Variants in SND1 observed in about 807,000 individuals in gnomAD.
SND1 encodes staphylococcal nuclease and tudor domain containing 1.
In SND1, 38 loss-of-function variants were observed where a neutral mutation model predicts 121.7. The ratio of observed to expected loss-of-function variants is 0.31; its 90% confidence interval spans 0.24 to 0.41. The LOEUF (loss-of-function observed/expected upper bound fraction) is 0.41. SND1 is among the 10% of genes least tolerant of loss of function. The probability of loss-of-function intolerance (pLI) is 1.00; values close to 1 mark genes in which losing one functional copy is unlikely to be tolerated. For missense variants in SND1, 868 were observed against 1,184.6 expected, an observed-to-expected ratio of 0.73 and a Z score of 3.92; for synonymous variants, 401 against 447.4, an observed-to-expected ratio of 0.90 and a Z score of 1.31.
At chr7:127,699,073 G>C in intron 4 of SND1, 120 bp downstream of exon 4, 1 of 736,198 alleles carries the variant, frequency 1.4e-6, no homozygotes, top group East Asian at 2.7e-5. Context: ...GGACATTCTT[G>C]CCCAGGTATG....
intron 14 of SND1, among the ~76,000 whole-genome samples, chr7:127,921,025 A>C (rs1372385596): frequency 2.6e-5 from 4 of 152,226 alleles, no homozygotes; most frequent in African/African-American, 9.6e-5. Flanking sequence ...GGAAACTGAA[A>C]GTCATTCAGT....
At chr7:127,681,130 T>A (rs1795718584) in intron 1 of SND1, among the ~76,000 whole-genome samples, 1 of 152,074 alleles carries the variant, frequency 6.6e-6, no homozygotes, top group Non-Finnish European at 1.5e-5. Flanking sequence ...GTATGAGGGG[T>A]CCAGTTTTTA....
intron 11 of SND1, among the ~76,000 whole-genome samples, chr7:127,814,643 G>A (rs922793935): frequency 6.6e-6 from 1 of 151,912 alleles, no homozygotes; most frequent in African/African-American, 2.4e-5. Flanking sequence ...GTTTTCTTGT[G>A]TATCTGCAAA....
intron 15 of SND1, among the ~76,000 whole-genome samples, chr7:127,944,681 G>A (rs1010165035): frequency 2.6e-5 from 4 of 152,196 alleles, no homozygotes; most frequent in Admixed American, 6.5e-5. Context: ...TCACCTGAGA[G>A]TGAATTGAGC....
At position 127,908,362 on chromosome 7, in the gene SND1, G is replaced by GCA. The variant is rs143599096; in HGVS notation, c.1527+3543_1527+3544insCA. ...TGTGTGTGTGTGTGTGTGTGTGTGC[G>GCA]TGCGTGTTGACCCATCTGCGTCTCT... On this transcript the variant is annotated intron_variant, in intron 14 of 23. Coordinates refer to ENST00000354725, the MANE Select transcript of SND1 (RefSeq NM_014390.4). Among the ~76,000 whole-genome samples the GCA allele has an allele frequency of 8.7e-3, 1,255 of 144,806 alleles. 30 individuals are homozygous for GCA. The highest frequency in any genetic ancestry group is 0.03 in the African/African-American group (1,171 of 39,580). The allele number at this position is 144,806 out of a possible 152,430, so 95.0% of individuals were successfully genotyped here. A position where few individuals can be genotyped will look rare whatever the true frequency, so the allele number is the denominator to read the frequency against.
chr7:127,818,748 C>T (rs1563024260), intron 11 of SND1, among the ~76,000 whole-genome samples: 1 of 152,184 alleles, frequency 6.6e-6, no homozygotes, highest in Non-Finnish European at 1.5e-5. Flanking sequence ...TTTCCTCCAC[C>T]AGGCTCGGTT....
rs767458820 is a variant in SND1 at position 128,081,349 on chromosome 7, T to C, written c.1969-11T>C. ...TCGCCCTCTTCTCACCTCTGCCGACTGAACATGCAGGTCTGGGCCCACTAT... is the reference window on the plus strand; with the variant it reads ...TCGCCCTCTTCTCACCTCTGCCGACCGAACATGCAGGTCTGGGCCCACTAT... On this transcript the variant is annotated splice_polypyrimidine_tract_variant and intron_variant, in intron 17 of 23. Transcript: ENST00000354725. 8 of 1,613,998 alleles carry C rather than the reference T, an allele frequency of 5.0e-6. No homozygotes were observed. In the Admixed American group the frequency reaches 1.2e-4, roughly 24 times the overall value.
intron 15 of SND1, among the ~76,000 whole-genome samples, chr7:127,942,023 C>G (rs188119167): frequency 1.2e-4 from 18 of 151,570 alleles, no homozygotes; most frequent in Admixed American, 5.3e-4. Context: ...CCATTTTTCC[C>G]TTTCACGTGG....
At chr7:127,953,910 C>A (rs1801529342) in intron 15 of SND1, among the ~76,000 whole-genome samples, 1 of 152,180 alleles carries the variant, frequency 6.6e-6, no homozygotes, top group Admixed American at 6.5e-5. Context: ...TTTCAGCATT[C>A]AGTGTAGCTA....
intron 10 of SND1, among the ~76,000 whole-genome samples, chr7:127,794,461 G>A (rs1237122743): frequency 1.3e-5 from 2 of 152,150 alleles, no homozygotes; most frequent in Non-Finnish European, 2.9e-5. Context: ...TCCCTTCTGT[G>A]TTCTTCCAGG....
At chr7:128,024,064 C>CTG (rs3837141) in intron 16 of SND1, among the ~76,000 whole-genome samples, 18,899 of 148,932 alleles carry the variant, frequency 0.13, 1,413 homozygotes, top group Admixed American at 0.25. Flanking sequence ...TGCTATATTG[C>CTG]TGTGTGTGTG....
intron 10 of SND1, among the ~76,000 whole-genome samples, chr7:127,767,189 G>A (rs941160120): frequency 1.3e-5 from 2 of 152,194 alleles, no homozygotes; most frequent in Non-Finnish European, 2.9e-5. Flanking sequence ...TAATGACTAG[G>A]TGTGGTGCCG....
chr7:127,928,652 G>A (rs1471089763), intron 14 of SND1, among the ~76,000 whole-genome samples: 1 of 151,688 alleles, frequency 6.6e-6, no homozygotes, highest in Non-Finnish European at 1.5e-5. Context: ...CAAATGGCAC[G>A]ATTTCAGCTC....
At chr7:127,858,705 C>T (rs1434877809) in intron 12 of SND1, among the ~76,000 whole-genome samples, 3 of 152,278 alleles carry the variant, frequency 2.0e-5, no homozygotes, top group Non-Finnish European at 2.9e-5. Context: ...TCTTCCTGGA[C>T]GTCTTTTTCC....
intron 12 of SND1, among the ~76,000 whole-genome samples, chr7:127,874,367 A>G (rs967422618): frequency 6.6e-6 from 1 of 152,170 alleles, no homozygotes; most frequent in Non-Finnish European, 1.5e-5. Flanking sequence ...TTGAAAGACC[A>G]TATTATGCAC....
chr7:127,718,518 T>C (rs1796429365), intron 9 of SND1: 2 of 974,844 alleles, frequency 2.1e-6, no homozygotes, highest in Non-Finnish European at 1.2e-6. Flanking sequence ...ACCCTTCCTA[T>C]CTTCACCAGC....
At position 127,882,899 on chromosome 7, in the gene SND1, T is replaced by C. The variant is rs193116078; in HGVS notation, c.1344-5003T>C. ...ACACATGTCTGGCCTGAATGGATAA[T>C]TCACAATCGGCATATAAAAAGGGAC... On this transcript the variant is annotated intron_variant, in intron 12 of 23. Coordinates refer to ENST00000354725, the MANE Select transcript of SND1 (RefSeq NM_014390.4). Among the ~76,000 whole-genome samples, 11 of 152,268 alleles carry C rather than the reference T, an allele frequency of 7.2e-5. No individual in the cohort carries two copies. In the East Asian group the frequency reaches 1.9e-3, roughly 27 times the overall value.
intron 14 of SND1, among the ~76,000 whole-genome samples, chr7:127,913,676 C>T (rs573609368): frequency 6.6e-6 from 1 of 152,098 alleles, no homozygotes; most frequent in East Asian, 1.9e-4. Flanking sequence ...TTTCAGATTC[C>T]CAGGTTGAGG....
At chr7:128,082,932 G>C (rs1193767970) in intron 18 of SND1, among the ~76,000 whole-genome samples, 1 of 152,196 alleles carries the variant, frequency 6.6e-6, no homozygotes, top group African/African-American at 2.4e-5. Flanking sequence ...CAAGAGAAAA[G>C]AGAAAACCAT....
Sources: allele counts gnomAD v4.1 joint callset (sites outside exome capture counted in the v4.1 genomes callset), GRCh38; gene constraint gnomAD v4.1.1; transcripts MANE v1.5; gene names NCBI Gene and HGNC (gene_info 2026-07-23, HGNC 2026-07-21).